The following CACNA1H variants were observed in gnomAD, a reference collection of about 807,000 sequenced individuals.
CACNA1H encodes the protein voltage-dependent T-type calcium channel subunit alpha-1H.
Under a neutral mutation model 192.5 loss-of-function variants are expected in CACNA1H, and 149 were observed. That is an observed-to-expected ratio of 0.77 (90% confidence interval 0.68 to 0.89). The LOEUF (loss-of-function observed/expected upper bound fraction) is 0.89. Among genes scored for constraint, CACNA1H ranks in the 40% least tolerant of loss-of-function variants. The pLI is 0.00. For synonymous variants in CACNA1H, 2,202 were observed against 1,475.2 expected (o/e 1.49, Z -11.29); for missense variants, 4,257 against 3,423.5 (o/e 1.24, Z -6.08).
intron 12 of CACNA1H, 46 bp downstream of exon 12, chr16:1,206,335 G>A: frequency 1.3e-6 from 2 of 1,523,378 alleles, no homozygotes; most frequent in Non-Finnish European, 8.9e-7. Context: ...TCACCCCAGG[G>A]CAGCTGGGAG....
intron 2 of CACNA1H, among the ~76,000 whole-genome samples, chr16:1,171,536 GT>G (rs1368808349): frequency 2.0e-5 from 3 of 152,214 alleles, no homozygotes; most frequent in Non-Finnish European, 2.9e-5. Flanking sequence ...GTCAGGGTGG[GT>G]TTTATTTTCC....
intron 2 of CACNA1H, among the ~76,000 whole-genome samples, chr16:1,178,330 G>A (rs1442104415): frequency 1.6e-5 from 2 of 123,316 alleles, no homozygotes; most frequent in African/African-American, 3.2e-5. Context: ...CCTCATTTAC[G>A]GGCTTCTTCT....
chr16:1,209,987 C>A, intron 17 of CACNA1H, 48 bp from the exon 18 acceptor site: 1 of 1,423,578 alleles, frequency 7.0e-7, no homozygotes, highest in Non-Finnish European at 9.6e-7. Flanking sequence ...TGATGGGGGG[C>A]CGGGCAGGCA....
intron 2 of CACNA1H, among the ~76,000 whole-genome samples, chr16:1,165,739 C>T (rs1037924658): frequency 3.3e-5 from 5 of 152,212 alleles, no homozygotes; most frequent in Non-Finnish European, 7.3e-5. Context: ...GCTCACAGTG[C>T]GGGTGGCTCC....
At chr16:1,197,736 G>A (rs1031194172) in intron 5 of CACNA1H, among the ~76,000 whole-genome samples, 20 of 152,166 alleles carry the variant, frequency 1.3e-4, no homozygotes, top group African/African-American at 4.3e-4. Context: ...TGAGGGGCCC[G>A]TTTTGCCATT....
At chr16:1,164,174 C>G (rs547711803) in intron 2 of CACNA1H, among the ~76,000 whole-genome samples, 3 of 152,248 alleles carry the variant, frequency 2.0e-5, no homozygotes, top group African/African-American at 7.2e-5. Context: ...GATGCCCGTT[C>G]AGTTATGTTT....
intron 2 of CACNA1H, among the ~76,000 whole-genome samples, chr16:1,185,173 G>A (rs151284500): frequency 9.8e-5 from 15 of 152,296 alleles, no homozygotes; most frequent in Admixed American, 7.2e-4. Context: ...GTGTTGTGGC[G>A]TGTGGAGCTT....
chr16:1,209,002 A>G, intron 16 of CACNA1H, 30 bp from the exon 17 acceptor site: 1 of 1,470,022 alleles, frequency 6.8e-7, no homozygotes, highest in Non-Finnish European at 8.9e-7. Flanking sequence ...TAGTGATGCC[A>G]CCAGGTCACT....
intron 31 of CACNA1H, among the ~76,000 whole-genome samples, chr16:1,217,630 C>T (rs1240934685): frequency 1.3e-5 from 2 of 152,226 alleles, no homozygotes; most frequent in Non-Finnish European, 2.9e-5. Flanking sequence ...CCTACTCATC[C>T]CCCGCCACGC....
At chr16:1,210,713 C>G in intron 20 of CACNA1H, 62 bp downstream of exon 20, 1 of 1,578,818 alleles carries the variant, frequency 6.3e-7, no homozygotes, top group Middle Eastern at 1.7e-4. Flanking sequence ...CATCCCCACC[C>G]CCACCCAGCA....
intron 2 of CACNA1H, among the ~76,000 whole-genome samples, chr16:1,161,642 C>T (rs1055124301): frequency 4.6e-5 from 7 of 152,342 alleles, no homozygotes; most frequent in African/African-American, 1.7e-4. Flanking sequence ...CCACTTTGGT[C>T]TGTCATCTCG....
chr16:1,217,153 G>T (rs1416567509), intron 31 of CACNA1H, 143 bp downstream of exon 31: 6 of 696,932 alleles, frequency 8.6e-6, no homozygotes, highest in South Asian at 5.7e-5. Flanking sequence ...TCCTCACCCG[G>T]CCCTGCTTCC....
intron 2 of CACNA1H, among the ~76,000 whole-genome samples, chr16:1,170,386 G>A (rs1245864324): frequency 1.3e-5 from 2 of 152,224 alleles, no homozygotes; most frequent in African/African-American, 4.8e-5. Context: ...GGAATCCGGG[G>A]TAACACTGGG....
intron 2 of CACNA1H, among the ~76,000 whole-genome samples, chr16:1,176,204 G>C (rs1469367477): frequency 6.6e-6 from 1 of 152,268 alleles, no homozygotes; most frequent in Non-Finnish European, 1.5e-5. Flanking sequence ...TGTGTGGTTA[G>C]AGATGTTTGT....
intron 12 of CACNA1H, chr16:1,206,781 TTC>T (rs1596439893): frequency 1.3e-5 from 7 of 533,446 alleles, no homozygotes; most frequent in Middle Eastern, 5.0e-4. Flanking sequence ...CTGGTCTTGG[TTC>T]TCTCGCCTGT....
At chr16:1,218,725 G>T in intron 33 of CACNA1H, 74 bp downstream of exon 33, 1 of 1,242,456 alleles carries the variant, frequency 8.0e-7, no homozygotes, top group Non-Finnish European at 1.1e-6. Context: ...AGGTGGGAGG[G>T]AGGATGGGGT....
At chr16:1,207,153 C>T (rs756878746) in intron 13 of CACNA1H, 35 bp downstream of exon 13, 4 of 1,554,098 alleles carry the variant, frequency 2.6e-6, no homozygotes. Context: ...GTGTTGGGTG[C>T]TGAGTGTGGT....
intron 2 of CACNA1H, among the ~76,000 whole-genome samples, chr16:1,186,205 C>T (rs1001103452): frequency 3.3e-5 from 5 of 151,338 alleles, no homozygotes; most frequent in Non-Finnish European, 5.9e-5. Context: ...CAGGGTGTAC[C>T]GTGCTGGTCC....
chr16:1,153,955 C>A lies in CACNA1H; in HGVS notation c.218C>A (p.Pro73Gln). The A allele has an allele frequency of 6.9e-7, 1 of 1,451,014 alleles. No homozygotes were observed. The highest frequency in any genetic ancestry group is 9.1e-7 in the Non-Finnish European group (1 of 1,102,072). 89.9% of individuals were successfully genotyped at this position (1,451,014 alleles called of 1,614,324 possible). A position where few individuals can be genotyped will look rare whatever the true frequency, so the allele number is the denominator to read the frequency against. The change falls in exon 2 of 35, where the codon CCG becomes CAG. Residue 73 changes from proline (P) to glutamine (Q), a missense_variant. By Grantham distance (76) the Pro-to-Gln change is moderately conservative. Coordinates refer to ENST00000348261, the MANE Select transcript of CACNA1H (RefSeq NM_021098.3). Reference sequence around the variant, plus strand: ...GACGAGGAGCAGCGCGTCCCGTACCCGGCCTTGGCGGCCACGGTCTTCTTC... The same window carrying A: ...GACGAGGAGCAGCGCGTCCCGTACCAGGCCTTGGCGGCCACGGTCTTCTTC... ...GADEEQRVPY[P>Q]ALAATVFFCL...
Sources: allele counts gnomAD v4.1 joint callset (sites outside exome capture counted in the v4.1 genomes callset), GRCh38; gene constraint gnomAD v4.1.1; transcripts MANE v1.5; gene names NCBI Gene and HGNC (gene_info 2026-07-23, HGNC 2026-07-21).